The following TSHZ2 variants were observed in gnomAD, a reference collection of about 807,000 sequenced individuals.
TSHZ2 encodes teashirt zinc finger homeobox 2.
A neutral mutation model predicts 74.4 loss-of-function variants in TSHZ2; 21 were observed. The ratio of observed to expected loss-of-function variants is 0.28; its 90% CI spans 0.20 to 0.41. The LOEUF is 0.41. TSHZ2 is among the 10% of genes least tolerant of loss of function. TSHZ2 has a pLI of 1.00. For synonymous variants in TSHZ2, 540 were observed against 515.3 expected, an observed-to-expected ratio of 1.05 and a Z score of -0.65; for missense variants, 1,244 against 1,293.5, an observed-to-expected ratio of 0.96 and a Z score of 0.59.
At chr20:53,087,202 AT>A (rs766180064) in intron 1 of TSHZ2, among the ~76,000 whole-genome samples, 1 of 152,136 alleles carries the variant, frequency 6.6e-6, no homozygotes, top group Non-Finnish European at 1.5e-5. Context: ...AAAAAGGGAA[AT>A]TTTTTTGCCC....
chr20:53,276,078 A>G (rs532463261), intron 2 of TSHZ2, among the ~76,000 whole-genome samples: 1 of 152,364 alleles, frequency 6.6e-6, no homozygotes, highest in East Asian at 1.9e-4. Context: ...GGATTCATAC[A>G]TGGAGGAATC....
chr20:53,305,324 G>A (rs1978485098), intron 2 of TSHZ2, among the ~76,000 whole-genome samples: 1 of 152,210 alleles, frequency 6.6e-6, no homozygotes, highest in Non-Finnish European at 1.5e-5. Context: ...CAATGGAATG[G>A]ATGGAGCTAC....
chr20:53,173,112 C>T (rs958920052), intron 1 of TSHZ2, among the ~76,000 whole-genome samples: 2 of 152,174 alleles, frequency 1.3e-5, no homozygotes, highest in Non-Finnish European at 2.9e-5. Context: ...GTAGCTGCTA[C>T]TATTAAATAG....
At chr20:53,003,761 G>A (rs867552886) in intron 1 of TSHZ2, among the ~76,000 whole-genome samples, 10 of 152,308 alleles carry the variant, frequency 6.6e-5, no homozygotes, top group Middle Eastern at 3.4e-3. Flanking sequence ...CTGGAAAGAT[G>A]CGAGCCCACA....
intron 2 of TSHZ2, among the ~76,000 whole-genome samples, chr20:53,367,806 C>T (rs1026452815): frequency 1.3e-5 from 2 of 151,964 alleles, no homozygotes; most frequent in Non-Finnish European, 2.9e-5. Flanking sequence ...CTCCTGACCT[C>T]GTGATCCACC....
intron 1 of TSHZ2, among the ~76,000 whole-genome samples, chr20:53,113,854 G>A (rs1225747654): frequency 6.6e-6 from 1 of 151,972 alleles, no homozygotes; most frequent in Non-Finnish European, 1.5e-5. Flanking sequence ...CTCCATAATG[G>A]GATCCAGAAG....
rs1986547211 is a variant in TSHZ2 at position 53,495,001 on chromosome 20, C to T, written c.*7866C>T. On this transcript the variant is annotated 3_prime_UTR_variant, in exon 3 of 3. Coordinates refer to ENST00000371497, the MANE Select transcript of TSHZ2 (RefSeq NM_173485.6). ...CTGGAGGCTGTCCCTCATTTTAATGCTGCAGCTATTGAACCACCTTCCTGA... is the reference window on the plus strand; with the variant it reads ...CTGGAGGCTGTCCCTCATTTTAATGTTGCAGCTATTGAACCACCTTCCTGA... The T allele has an allele frequency of 6.6e-6, 1 of 152,098 alleles. No individual in the cohort carries two copies. Among genetic ancestry groups the T allele is most frequent in the South Asian group, 2.1e-4 (1 of 4,814 alleles). The allele number at this position is 152,098 out of a possible 1,614,324, so 9.4% of individuals were successfully genotyped here.
intron 1 of TSHZ2, among the ~76,000 whole-genome samples, chr20:53,153,303 C>T (rs111739896): frequency 6.6e-6 from 1 of 152,160 alleles, no homozygotes; most frequent in East Asian, 1.9e-4. Context: ...GTGGCCAAAG[C>T]AGGCAGTGGC....
chr20:53,279,503 A>G (rs540999236), intron 2 of TSHZ2, among the ~76,000 whole-genome samples: 3 of 152,216 alleles, frequency 2.0e-5, no homozygotes, highest in Non-Finnish European at 4.4e-5. Context: ...CCCACAGGCA[A>G]CAGTTCACCA....
chr20:53,317,178 C>T (rs952351118), intron 2 of TSHZ2, among the ~76,000 whole-genome samples: 5 of 152,144 alleles, frequency 3.3e-5, no homozygotes, highest in Non-Finnish European at 5.9e-5. Context: ...GAAAGAAGCT[C>T]GTGTAGTCCA....
intron 2 of TSHZ2, chr20:53,400,985 G>A (rs900424445): frequency 1.2e-4 from 19 of 152,342 alleles, no homozygotes; most frequent in Non-Finnish European, 1.5e-4. Context: ...AGGGTTTCAT[G>A]CATTCAATCA....
chr20:53,287,053 A>C (rs1438453317), intron 2 of TSHZ2, among the ~76,000 whole-genome samples: 1 of 152,184 alleles, frequency 6.6e-6, no homozygotes, highest in Non-Finnish European at 1.5e-5. Context: ...GTGCCTGGAC[A>C]CATTGCTGTG....
intron 2 of TSHZ2, among the ~76,000 whole-genome samples, chr20:53,460,439 A>T (rs987947125): frequency 7.9e-5 from 12 of 152,118 alleles, no homozygotes; most frequent in Non-Finnish European, 1.3e-4. Flanking sequence ...TATTCTAGTT[A>T]TGCATTCTTC....
At chr20:53,446,540 C>T (rs2145770500) in intron 2 of TSHZ2, among the ~76,000 whole-genome samples, 1 of 146,202 alleles carries the variant, frequency 6.8e-6, no homozygotes, top group African/African-American at 2.6e-5. Flanking sequence ...GATCGCACCA[C>T]TGCACTCCAG....
intron 2 of TSHZ2, among the ~76,000 whole-genome samples, chr20:53,315,421 GAATCAAAGTGA>G (rs369913229): frequency 5.3e-5 from 8 of 152,286 alleles, no homozygotes; most frequent in African/African-American, 1.7e-4. Flanking sequence ...TGTACTTCAT[GAATCAAAGTGA>G]AATCTTGGGA....
intron 1 of TSHZ2, among the ~76,000 whole-genome samples, chr20:53,105,444 C>A (rs1256631826): frequency 1.3e-5 from 2 of 152,000 alleles, no homozygotes; most frequent in Non-Finnish European, 2.9e-5. Flanking sequence ...CAGATATTGC[C>A]AAATGTCTCT....
intron 2 of TSHZ2, among the ~76,000 whole-genome samples, chr20:53,443,525 C>T (rs1316145009): frequency 6.6e-6 from 1 of 152,218 alleles, no homozygotes; most frequent in Non-Finnish European, 1.5e-5. Flanking sequence ...AATCCTTTAA[C>T]CCCGATTCTT....
chr20:53,356,054 T>G (rs148761293), intron 2 of TSHZ2, among the ~76,000 whole-genome samples: 23 of 152,306 alleles, frequency 1.5e-4, no homozygotes, highest in Non-Finnish European at 2.8e-4. Context: ...AGCAGCAAAT[T>G]CACACAGGAC....
At chr20:53,087,778 G>T (rs1432407179) in intron 1 of TSHZ2, among the ~76,000 whole-genome samples, 2 of 152,180 alleles carry the variant, frequency 1.3e-5, no homozygotes, top group African/African-American at 4.8e-5. Context: ...GTACGTGTTG[G>T]CTGTGTAGTA....
Sources: gnomAD v4.1 joint callset for allele counts (sites outside exome capture counted in the v4.1 genomes callset) on GRCh38, gnomAD v4.1.1 for gene constraint, MANE v1.5 for transcripts, NCBI Gene and HGNC (gene_info 2026-07-23, HGNC 2026-07-21) for gene names.